Variants in NOD1 observed in about 807,000 individuals in gnomAD.
NOD1 encodes the protein nucleotide binding oligomerization domain containing 1.
NOD1 carries 70 observed loss-of-function variants against 81.2 expected under a neutral mutation model. The observed-to-expected ratio is 0.86, with a 90% CI of 0.71 to 1.05. The LOEUF is 1.05. Ranked by LOEUF, NOD1 falls within the 50% of genes least tolerant of loss-of-function variation. The probability of loss-of-function intolerance (pLI) is 0.00; values close to 1 mark genes in which losing one functional copy is unlikely to be tolerated. For synonymous variants in NOD1, 508 were observed against 526.9 expected, an observed-to-expected ratio of 0.96 and a Z score of 0.49; for missense variants, 1,233 against 1,228.0, an observed-to-expected ratio of 1.00 and a Z score of -0.06.
chr7:30,452,915 C>T lies in NOD1; in HGVS notation c.502G>A (p.Gly168Ser). The change falls in exon 6 of 14, where the codon GGC becomes AGC. Residue 168 changes from glycine (G) to serine (S), a missense_variant. Coordinates refer to ENST00000222823, the MANE Select transcript of NOD1 (RefSeq NM_006092.4). ...CTGCCCAGGCTCTCATTGCTGAAGC[C>T]AACCAGCTCCATGATGGTGTCCATG... ...IYMDTIMELV[G>S]FSNESLGSLN... The T allele has an allele frequency of 6.2e-7, 1 of 1,614,034 alleles. No homozygotes were observed. Among genetic ancestry groups the T allele is most frequent in the East Asian group, 2.2e-5 (1 of 44,872 alleles).
chr7:30,458,477 G>A (rs1431174542), intron 3 of NOD1, among the ~76,000 whole-genome samples: 1 of 152,124 alleles, frequency 6.6e-6, no homozygotes, highest in Non-Finnish European at 1.5e-5. Context: ...TTCAGGTCCA[G>A]TGGTTCTCAA....
Position 30,452,314 on chromosome 7 carries a change from C to G in NOD1, c.1103G>C (p.Arg368Pro). Reference sequence around the variant, plus strand: ...GCTCAGCAGGCGGTCCTGCAGGGCCCGCTCGGGGAACATCCTCCTGGCATA... The same window carrying G: ...GCTCAGCAGGCGGTCCTGCAGGGCCGGCTCGGGGAACATCCTCCTGGCATA... Reference protein sequence around the residue: ...RAYARRMFPERALQDRLLSQL... With the variant: ...RAYARRMFPEPALQDRLLSQL... The change falls in exon 6 of 14, where the codon CGG (arginine) becomes CCG (proline). Residue 368 changes from arginine (R) to proline (P), a missense_variant. Arg to Pro is a moderately radical substitution (Grantham distance 103). Coordinates refer to ENST00000222823, the MANE Select transcript of NOD1 (RefSeq NM_006092.4). 6.2e-7 allele frequency: 1 copy of G among 1,613,392 alleles called. No individual in the cohort carries two copies. The highest frequency in any genetic ancestry group is 8.5e-7 in the Non-Finnish European group (1 of 1,179,942).
At chr7:30,458,008 G>T (rs942348112) in intron 3 of NOD1, among the ~76,000 whole-genome samples, 3 of 152,162 alleles carry the variant, frequency 2.0e-5, no homozygotes, top group African/African-American at 7.2e-5. Context: ...GGAAGAGGGA[G>T]AGCCGGCACA....
At chr7:30,448,558 G>A (rs1181737357) in intron 6 of NOD1, among the ~76,000 whole-genome samples, 177 bp from the exon 7 acceptor site, 1 of 152,168 alleles carries the variant, frequency 6.6e-6, no homozygotes, top group Non-Finnish European at 1.5e-5. Flanking sequence ...GCCAACGTGG[G>A]GCCGCCAGAC....
chr7:30,470,524 A>G (rs989386330), intron 1 of NOD1, among the ~76,000 whole-genome samples: 4 of 152,244 alleles, frequency 2.6e-5, no homozygotes, highest in African/African-American at 9.6e-5. Context: ...TCACAGGCTC[A>G]CTTAGGGAAT....
Position 30,432,156 on chromosome 7 carries a change from AAG to A in NOD1, c.2705+938_2705+939del, listed in dbSNP as rs547031172. ...TGTCCTTTAAAGGTCACTATCAAGA[AAG>A]AGGAAAAACTCCACAGAAAGAAAGA... On this transcript the variant is annotated intron_variant, in intron 12 of 13. Coordinates refer to ENST00000222823, the MANE Select transcript of NOD1 (RefSeq NM_006092.4). Among the ~76,000 whole-genome samples the A allele has an allele frequency of 3.3e-4, 50 of 152,314 alleles. No homozygotes were observed. The East Asian group carries it at 3.9e-3, about 12-fold the overall frequency.
chr7:30,460,314 T>C (rs1562704187), intron 1 of NOD1: 1 of 985,378 alleles, frequency 1.0e-6, no homozygotes, highest in East Asian at 1.1e-4. Context: ...CAGCCAGAGA[T>C]CTGCTGGCCC....
At position 30,448,495 on chromosome 7, in the gene NOD1, C is replaced by T. The variant is rs1028895887; in HGVS notation, c.2202-114G>A. ...GCCCTGGAGTTTTCTCAGGTATAGA[C>T]GCCCCTGGAGAATGGCCACAGCAAT... On this transcript the variant is annotated intron_variant, in intron 6 of 13. Transcript: ENST00000222823. 44 of 886,576 alleles carry T rather than the reference C, an allele frequency of 5.0e-5. 1 individual carries two copies. The highest frequency in any genetic ancestry group is 2.1e-4 in the South Asian group (15 of 70,212). The allele number at this position is 886,576 out of a possible 1,614,324, so 54.9% of individuals were successfully genotyped here.
At chr7:30,476,381 C>T (rs1788782965) in intron 1 of NOD1, among the ~76,000 whole-genome samples, 3 of 152,192 alleles carry the variant, frequency 2.0e-5, no homozygotes, top group Admixed American at 2.0e-4. Flanking sequence ...GCACAGAGCA[C>T]GTACCAGGGT....
chr7:30,428,521 G>C (rs969056351), intron 13 of NOD1: 3 of 152,194 alleles, frequency 2.0e-5, no homozygotes, highest in African/African-American at 7.2e-5. Flanking sequence ...ATTGCATCCT[G>C]ATATTTTGTT....
rs979473642 is a variant in NOD1 at position 30,425,631 on chromosome 7, C to T, written c.*7G>A. The T allele has an allele frequency of 5.0e-6, 8 of 1,609,562 alleles. No homozygotes were observed. Among genetic ancestry groups the T allele is most frequent in the South Asian group, 1.1e-5 (1 of 91,000 alleles). On this transcript the variant is annotated 3_prime_UTR_variant, in exon 14 of 14. Coordinates refer to ENST00000222823, the MANE Select transcript of NOD1 (RefSeq NM_006092.4). ...GGCAAAAACCCCATGAACAGGAAAG[C>T]ATCCTCTCAGAAACAGATAATCCGC... is the stretch of plus-strand genomic sequence containing the variant.
chr7:30,451,983 G>A lies in NOD1; in HGVS notation c.1434C>T (p.Phe478=), dbSNP rs1264395511. ...HRGMEKSLFV[F]TQEEVQASGL... ...CGGAGGCCTGCACCTCCTCCTGGGT[G>A]AAGACAAAGAGGCTCTTCTCCATGC... Residue 478 remains phenylalanine (F), a synonymous_variant, in exon 6 of 14, where the codon TTC becomes TTT. Coordinates refer to ENST00000222823, the MANE Select transcript of NOD1 (RefSeq NM_006092.4). The surrounding 1 kb of genome is among the most constrained non-coding windows in gnomAD (Gnocchi z 4.2). The A allele has an allele frequency of 1.2e-6, 2 of 1,613,488 alleles. No homozygotes were observed. Among genetic ancestry groups the A allele is most frequent in the African/African-American group, 2.7e-5 (2 of 74,946 alleles).
chr7:30,463,719 A>C (rs1787394753), intron 1 of NOD1: 1 of 148,954 alleles, frequency 6.7e-6, no homozygotes, highest in Non-Finnish European at 1.5e-5. Context: ...AAAAAAAAAA[A>C]CATTTTATAA....
At chr7:30,436,335 G>A (rs923528322) in intron 10 of NOD1, among the ~76,000 whole-genome samples, 1 of 152,246 alleles carries the variant, frequency 6.6e-6, no homozygotes, top group Non-Finnish European at 1.5e-5. Context: ...ACAGTGGGCT[G>A]GGGTCGGCAC....
At chr7:30,448,033 T>A (rs1475891252) in intron 7 of NOD1, 1 of 461,706 alleles carries the variant, frequency 2.2e-6, no homozygotes, top group East Asian at 3.6e-5. Flanking sequence ...CCCCTTATAT[T>A]CTCGTTGCAT....
At position 30,451,438 on chromosome 7, in the gene NOD1, T is replaced by C; in HGVS notation, c.1979A>G (p.Tyr660Cys). ...PTFIWMLRCI[Y>C]ETQSQKVGQL... ...CCCCACCTTCTGGCTCTGTGTCTCG[T>C]AGATGCAGCGCAGCATCCAGATGAA... Residue 660 changes from tyrosine to cysteine, a missense_variant, in exon 6 of 14, where the codon TAC becomes TGC. Tyr to Cys is a radical substitution (Grantham distance 194). Coordinates refer to ENST00000222823, the MANE Select transcript of NOD1 (RefSeq NM_006092.4). The surrounding 1 kb of genome is among the most constrained non-coding windows in gnomAD (Gnocchi z 4.2). The C allele has an allele frequency of 6.2e-7, 1 of 1,613,788 alleles. No individual in the cohort carries two copies. The highest frequency in any genetic ancestry group is 1.1e-5 in the South Asian group (1 of 91,080).
At position 30,425,481 on chromosome 7, in the gene NOD1, T is replaced by C; in HGVS notation, c.*157A>G. On this transcript the variant is annotated 3_prime_UTR_variant, in exon 14 of 14. Transcript: ENST00000222823. ...ACTTAGGGAGTTTGCCGACCAGACC[T>C]TCTGCACAGGAAGCTGGCTTGCATC... The C allele has an allele frequency of 1.5e-6, 1 of 648,312 alleles. No individual in the cohort carries two copies. Among genetic ancestry groups the C allele is most frequent in the South Asian group, 1.8e-5 (1 of 54,572 alleles). 40.2% of individuals were successfully genotyped at this position (648,312 alleles called of 1,614,324 possible).
At chr7:30,453,814 T>G (rs1030276162) in intron 5 of NOD1, among the ~76,000 whole-genome samples, 1 of 152,218 alleles carries the variant, frequency 6.6e-6, no homozygotes, top group African/African-American at 2.4e-5. Flanking sequence ...TTGTAGCCAA[T>G]CCCTGGGCCG....
chr7:30,425,479 C>T lies in NOD1; in HGVS notation c.*159G>A, dbSNP rs1038101994. ...GTACTTAGGGAGTTTGCCGACCAGA[C>T]CTTCTGCACAGGAAGCTGGCTTGCA... On this transcript the variant is annotated 3_prime_UTR_variant, in exon 14 of 14. Coordinates refer to ENST00000222823, the MANE Select transcript of NOD1 (RefSeq NM_006092.4). 6 of 642,240 alleles carry T rather than the reference C, an allele frequency of 9.3e-6. No individual in the cohort carries two copies. In the East Asian group the frequency reaches 1.1e-4, roughly 12 times the overall value. 39.8% of individuals were successfully genotyped at this position (642,240 alleles called of 1,614,324 possible).
Sources: allele counts gnomAD v4.1 joint callset (sites outside exome capture counted in the v4.1 genomes callset), GRCh38; gene constraint gnomAD v4.1.1; non-coding constraint Gnocchi (gnomAD v3.1); transcripts MANE v1.5; gene names NCBI Gene and HGNC (gene_info 2026-07-23, HGNC 2026-07-21).